Variants in HERC4 observed in about 807,000 individuals in gnomAD.
HERC4 encodes the protein probable E3 ubiquitin-protein ligase HERC4.
Under a neutral mutation model 124.3 loss-of-function variants are expected in HERC4, and 28 were observed. That is an observed-to-expected ratio of 0.23 (90% CI 0.17 to 0.31). The LOEUF is 0.31. Among genes scored for constraint, HERC4 ranks in the 10% least tolerant of loss-of-function variants. The pLI is 1.00. For synonymous variants in HERC4, 407 were observed against 421.5 expected, an observed-to-expected ratio of 0.97 and a Z score of 0.42; for missense variants, 713 against 1,229.3, an observed-to-expected ratio of 0.58 and a Z score of 6.28.
At chr10:68,071,156 T>C (rs1441805005) in intron 3 of HERC4, among the ~76,000 whole-genome samples, 1 of 152,130 alleles carries the variant, frequency 6.6e-6, no homozygotes, top group Non-Finnish European at 1.5e-5. Flanking sequence ...GCCCCAACTT[T>C]ACATTACCAA....
chr10:68,071,618 G>T (rs1245361994), intron 3 of HERC4, among the ~76,000 whole-genome samples: 5 of 152,070 alleles, frequency 3.3e-5, no homozygotes, highest in Admixed American at 6.6e-5. Context: ...CATCAAATGC[G>T]TATCAGTAAA....
intron 4 of HERC4, among the ~76,000 whole-genome samples, chr10:68,038,715 A>G (rs1004239251): frequency 2.0e-5 from 3 of 152,214 alleles, no homozygotes; most frequent in South Asian, 4.1e-4. Flanking sequence ...AATCAGGGAC[A>G]TTCAATTTTT....
intron 15 of HERC4, among the ~76,000 whole-genome samples, chr10:67,967,297 T>C (rs1267867214): frequency 1.3e-5 from 2 of 152,208 alleles, no homozygotes; most frequent in Non-Finnish European, 2.9e-5. Context: ...CAAAGATTTG[T>C]AAGATGTGAT....
rs1236359137 is a variant in HERC4, at chr10:67,958,643, T to C, written c.1927-1667A>G. On this transcript the variant is annotated intron_variant, in intron 16 of 24. Transcript: ENST00000373700. ...AACCAAAGTGCTAGAACTTTATATATTAGAAGTGAGAAAGATAATCATACA... is the reference window on the plus strand; with the variant it reads ...AACCAAAGTGCTAGAACTTTATATACTAGAAGTGAGAAAGATAATCATACA... 4.6e-5 allele frequency among the ~76,000 whole-genome samples: 7 copies of C among 152,176 alleles called. No homozygotes were observed. The South Asian group carries it at 1.2e-3, about 27-fold the overall frequency.
intron 15 of HERC4, among the ~76,000 whole-genome samples, chr10:67,968,250 C>G (rs190473808): frequency 6.6e-6 from 1 of 152,112 alleles, no homozygotes; most frequent in East Asian, 1.9e-4. Flanking sequence ...AAATTCCCCC[C>G]ACATCCTTGG....
chr10:67,922,695 T>C lies in HERC4; in HGVS notation c.*236A>G, dbSNP rs1312004364. ...TAGTAAAACTTTAATGTATTCATAA[T>C]ACTTGCTATGTTTATTAGAAGATGG... On this transcript the variant is annotated 3_prime_UTR_variant, in exon 25 of 25. Coordinates refer to ENST00000373700, the MANE Select transcript of HERC4 (RefSeq NM_015601.4). The C allele has an allele frequency of 6.7e-6, 2 of 298,820 alleles. No homozygotes were observed. Among genetic ancestry groups the C allele is most frequent in the East Asian group, 1.1e-4 (2 of 18,596 alleles). 18.5% of individuals were successfully genotyped at this position (298,820 alleles called of 1,614,324 possible).
chr10:67,967,782 T>TAAA (rs1322908109), intron 15 of HERC4, among the ~76,000 whole-genome samples: 2 of 151,972 alleles, frequency 1.3e-5, no homozygotes, highest in Non-Finnish European at 2.9e-5. Flanking sequence ...TTTTAGTTTA[T>TAAA]AGGAAATACA....
At chr10:68,022,844 A>G (rs2038709966) in intron 8 of HERC4, among the ~76,000 whole-genome samples, 1 of 152,120 alleles carries the variant, frequency 6.6e-6, no homozygotes, top group African/African-American at 2.4e-5. Flanking sequence ...ACAACAAAAC[A>G]GCCAGATTCA....
At chr10:67,975,187 C>T (rs2035511168) in intron 15 of HERC4, among the ~76,000 whole-genome samples, 1 of 150,468 alleles carries the variant, frequency 6.6e-6, no homozygotes, top group South Asian at 2.1e-4. Flanking sequence ...CAAACTCTGT[C>T]TTTAAAAAAA....
intron 5 of HERC4, among the ~76,000 whole-genome samples, chr10:68,035,177 C>T (rs1404557242): frequency 1.4e-5 from 2 of 143,256 alleles, no homozygotes; most frequent in African/African-American, 2.6e-5. Flanking sequence ...TTTTTTGAGA[C>T]AGTCTTGCTC....
chr10:67,977,790 T>C (rs1253495143), intron 15 of HERC4, among the ~76,000 whole-genome samples: 2 of 152,024 alleles, frequency 1.3e-5, no homozygotes, highest in East Asian at 1.9e-4. Context: ...AAGACCAGCC[T>C]GGCCAACATG....
At chr10:67,928,793 T>C (rs2031450762) in intron 23 of HERC4, among the ~76,000 whole-genome samples, 1 of 152,164 alleles carries the variant, frequency 6.6e-6, no homozygotes, top group Non-Finnish European at 1.5e-5. Context: ...AATAGTGGCA[T>C]GTCTGTAGTT....
At chr10:67,936,534 G>T (rs1039155941) in intron 21 of HERC4, among the ~76,000 whole-genome samples, 13 of 152,256 alleles carry the variant, frequency 8.5e-5, no homozygotes, top group Admixed American at 8.5e-4. Context: ...TATTAGACAG[G>T]ATGTTTTCCT....
At chr10:68,026,526 G>A (rs1307273321) in intron 7 of HERC4, among the ~76,000 whole-genome samples, 1 of 151,766 alleles carries the variant, frequency 6.6e-6, no homozygotes, top group Non-Finnish European at 1.5e-5. Flanking sequence ...GGCCAACATG[G>A]TGAAACTCTG....
chr10:68,029,854 T>C (rs896255893), intron 7 of HERC4, among the ~76,000 whole-genome samples: 1 of 151,190 alleles, frequency 6.6e-6, no homozygotes, highest in Admixed American at 6.6e-5. Context: ...TTCTCCTGCC[T>C]CAGCCTCCCG....
In HERC4 at chr10:68,044,454, A is replaced by C. The variant is rs914652653; in HGVS notation, c.336T>G (p.Ser112=). 1 of 1,614,160 alleles carries C rather than the reference A, an allele frequency of 6.2e-7. No homozygotes were observed. ...KGQVYAWGLD[S]DGQLGLVGSE... ...ATCCTACCAGGCCAAGCTGTCCATC[A>C]GAATCGAGACCCCAAGCATACACCT... is the stretch of plus-strand genomic sequence containing the variant. The change falls in exon 4 of 25, where the codon TCT becomes TCG. Residue 112 remains serine (S), a synonymous_variant. Coordinates refer to ENST00000373700, the MANE Select transcript of HERC4 (RefSeq NM_015601.4).
chr10:67,927,418 ATATATATATATATT>A (rs2031200063), intron 23 of HERC4, among the ~76,000 whole-genome samples: 1 of 8,730 alleles, frequency 1.1e-4, no homozygotes, highest in Admixed American at 1.1e-3. Flanking sequence ...ATATATATAT[ATATATATATATATT>A]TTTTTTTTTT....
At chr10:67,952,951 A>G (rs542966814) in intron 19 of HERC4, among the ~76,000 whole-genome samples, 98 of 151,342 alleles carry the variant, frequency 6.5e-4, no homozygotes, top group Non-Finnish European at 5.9e-5. Flanking sequence ...AATATAAAGA[A>G]CTCCCATGTA....
At chr10:67,980,172 C>T (rs893548315) in intron 15 of HERC4, among the ~76,000 whole-genome samples, 2 of 152,042 alleles carry the variant, frequency 1.3e-5, no homozygotes, top group Non-Finnish European at 2.9e-5. Flanking sequence ...AGTGCAATGG[C>T]GCGATCTCGG....
Sources: allele counts gnomAD v4.1 joint callset (sites outside exome capture counted in the v4.1 genomes callset), GRCh38; gene constraint gnomAD v4.1.1; transcripts MANE v1.5; gene names NCBI Gene and HGNC (gene_info 2026-07-23, HGNC 2026-07-21).